PDCD1LG2: variants seen among roughly 807,000 people sequenced by gnomAD.
PDCD1LG2 encodes the protein B7 dendritic cell molecule.
Under a neutral mutation model 28.2 loss-of-function variants are expected in PDCD1LG2, and 32 were observed. The ratio of observed to expected loss-of-function variants is 1.13; its 90% CI spans 0.86 to 1.52. The LOEUF is 1.52. PDCD1LG2 is among the 40% of genes most tolerant of loss of function. The pLI is 0.00. For missense variants in PDCD1LG2, 385 were observed against 323.8 expected, an observed-to-expected ratio of 1.19 and a Z score of -1.45; for synonymous variants, 116 against 120.2, an observed-to-expected ratio of 0.97 and a Z score of 0.23.
At chr9:5,549,242 T>G (rs1231787925) in intron 3 of PDCD1LG2, 93 bp from the exon 4 acceptor site, 5 of 1,179,108 alleles carry the variant, frequency 4.2e-6, no homozygotes, top group Non-Finnish European at 6.0e-6. Flanking sequence ...ATATTGATAG[T>G]GATAATTTTA....
chr9:5,557,422 T>C (rs76362980), intron 4 of PDCD1LG2, among the ~76,000 whole-genome samples, 196 bp from the exon 5 acceptor site: 7,998 of 152,290 alleles, frequency 0.053, 318 homozygotes, highest in South Asian at 0.19. Context: ...ATGGGGATCA[T>C]AGCAGAGCCA....
At chr9:5,527,797 T>G (rs547575313) in intron 2 of PDCD1LG2, among the ~76,000 whole-genome samples, 1 of 152,168 alleles carries the variant, frequency 6.6e-6, no homozygotes, top group South Asian at 2.1e-4. Context: ...TTCTAATTGT[T>G]CCTCATCCTT....
At chr9:5,564,985 T>C (rs1816634818) in intron 6 of PDCD1LG2, among the ~76,000 whole-genome samples, 2 of 152,234 alleles carry the variant, frequency 1.3e-5, no homozygotes, top group African/African-American at 2.4e-5. Context: ...GACTAGCTCA[T>C]TTAATCCTCA....
intron 5 of PDCD1LG2, among the ~76,000 whole-genome samples, chr9:5,559,758 G>A (rs1320020768): frequency 6.6e-6 from 1 of 152,102 alleles, no homozygotes; most frequent in Admixed American, 6.5e-5. Flanking sequence ...AATCTACCAT[G>A]TGTCCTCTGT....
intron 3 of PDCD1LG2, among the ~76,000 whole-genome samples, chr9:5,536,549 C>A (rs767885433): frequency 6.6e-6 from 1 of 152,198 alleles, no homozygotes; most frequent in Admixed American, 6.5e-5. Flanking sequence ...TTGATGTACT[C>A]GAATATCTGC....
At chr9:5,566,129 G>A (rs561241457) in intron 6 of PDCD1LG2, among the ~76,000 whole-genome samples, 54 of 152,220 alleles carry the variant, frequency 3.5e-4, no homozygotes, top group African/African-American at 1.1e-3. Context: ...GAGCCATCCC[G>A]CACTCTCATT....
chr9:5,550,702 T>G (rs906455110), intron 4 of PDCD1LG2, among the ~76,000 whole-genome samples: 1 of 151,412 alleles, frequency 6.6e-6, no homozygotes, highest in Admixed American at 6.6e-5. Flanking sequence ...TCTCTCTCTT[T>G]TTTTTTTTTG....
chr9:5,515,167 A>C (rs966628676), intron 1 of PDCD1LG2, among the ~76,000 whole-genome samples: 1 of 152,256 alleles, frequency 6.6e-6, no homozygotes, highest in Non-Finnish European at 1.5e-5. Context: ...CCCAGATATT[A>C]GAGAACGTGT....
At chr9:5,517,436 C>G (rs1355488396) in intron 1 of PDCD1LG2, among the ~76,000 whole-genome samples, 1 of 151,906 alleles carries the variant, frequency 6.6e-6, no homozygotes, top group African/African-American at 2.4e-5. Flanking sequence ...ATCTCTCAGC[C>G]CTGCGAACAC....
chr9:5,547,388 A>G (rs569011052), intron 3 of PDCD1LG2, among the ~76,000 whole-genome samples: 1 of 152,256 alleles, frequency 6.6e-6, no homozygotes, highest in South Asian at 2.1e-4. Context: ...CCAAATATCA[A>G]CAGGTGACTT....
In PDCD1LG2 at chr9:5,569,405, G is replaced by A. The variant is rs1305402922; in HGVS notation, c.817-549G>A. On this transcript the variant is annotated intron_variant, in intron 6 of 6. Coordinates refer to ENST00000397747, the MANE Select transcript of PDCD1LG2 (RefSeq NM_025239.4). This position sits in a 1 kb window ranked among gnomAD's most constrained non-coding sequence, Gnocchi z 4.1. ...GAAAGGTCCATCTGGCAGGACCTATGGTCTTTAACAGAGGGACAAAGTCAA... is the reference window on the plus strand; with the variant it reads ...GAAAGGTCCATCTGGCAGGACCTATAGTCTTTAACAGAGGGACAAAGTCAA... Among the ~76,000 whole-genome samples the A allele has an allele frequency of 6.6e-6, 1 of 152,140 alleles. No homozygotes were observed. Among genetic ancestry groups the A allele is most frequent in the East Asian group, 1.9e-4 (1 of 5,192 alleles).
intron 6 of PDCD1LG2, among the ~76,000 whole-genome samples, chr9:5,567,320 T>C (rs1239047890): frequency 6.6e-6 from 1 of 152,236 alleles, no homozygotes; most frequent in Non-Finnish European, 1.5e-5. Context: ...CATAACTTAC[T>C]GTTAGAAATG....
chr9:5,562,012 C>G (rs1164149852), intron 5 of PDCD1LG2, among the ~76,000 whole-genome samples: 1 of 152,132 alleles, frequency 6.6e-6, no homozygotes, highest in East Asian at 1.9e-4. Context: ...GAATAGAGAC[C>G]TCCAAATTCC....
chr9:5,551,365 G>A (rs139441283), intron 4 of PDCD1LG2, among the ~76,000 whole-genome samples: 86 of 152,298 alleles, frequency 5.6e-4, no homozygotes, highest in East Asian at 2.7e-3. Flanking sequence ...TGGCATGCAG[G>A]TATTTAATTG....
At chr9:5,532,495 C>T (rs889751866) in intron 2 of PDCD1LG2, among the ~76,000 whole-genome samples, 2 of 152,072 alleles carry the variant, frequency 1.3e-5, no homozygotes, top group African/African-American at 2.4e-5. Context: ...TTTCTTTCTC[C>T]CTCTCTCTCT....
chr9:5,511,859 G>A (rs1820065488), intron 1 of PDCD1LG2, among the ~76,000 whole-genome samples: 1 of 152,180 alleles, frequency 6.6e-6, no homozygotes, highest in Non-Finnish European at 1.5e-5. Context: ...TTGAACTGGA[G>A]CTCCTCACAG....
intron 6 of PDCD1LG2, among the ~76,000 whole-genome samples, chr9:5,568,316 G>A (rs1458772302): frequency 6.6e-6 from 1 of 152,242 alleles, no homozygotes; most frequent in Non-Finnish European, 1.5e-5. Flanking sequence ...CGGGAGACAA[G>A]CGGGCACTAC....
chr9:5,549,409 AC>A lies in PDCD1LG2; in HGVS notation c.437del (p.Thr146LysfsTer37), dbSNP rs747562882. 1 of 1,614,074 alleles carries A rather than the reference AC, an allele frequency of 6.2e-7. No homozygotes were observed. The highest frequency in any genetic ancestry group is 1.3e-5 in the African/African-American group (1 of 74,936). Reference protein sequence around the residue: ...TDEVELTCQATGYPLAEVSWP... With the variant: ...TDEVELTCQAXGYPLAEVSWP... ...TGAGGTAGAGCTCACCTGCCAGGCT[AC>A]AGGTTATCCTCTGGCAGAAGTATCC... is the stretch of plus-strand genomic sequence containing the variant. On this transcript the variant is annotated frameshift_variant, in exon 4 of 7. Coordinates refer to ENST00000397747, the MANE Select transcript of PDCD1LG2 (RefSeq NM_025239.4). LOFTEE classifies it high-confidence loss of function.
At chr9:5,551,183 G>T (rs926503447) in intron 4 of PDCD1LG2, among the ~76,000 whole-genome samples, 1 of 152,178 alleles carries the variant, frequency 6.6e-6, no homozygotes, top group Non-Finnish European at 1.5e-5. Flanking sequence ...CATCTTTGGG[G>T]AGAGCCATAA....
Sources: gnomAD v4.1 joint callset for allele counts (sites outside exome capture counted in the v4.1 genomes callset) on GRCh38, gnomAD v4.1.1 for gene constraint, Gnocchi (gnomAD v3.1) non-coding constraint, MANE v1.5 for transcripts, NCBI Gene and HGNC (gene_info 2026-07-23, HGNC 2026-07-21) for gene names.